The following TRMU variants were observed in gnomAD, a reference collection of about 807,000 sequenced individuals.
TRMU encodes tRNA mitochondrial 2-thiouridylase.
Under a neutral mutation model 46.9 loss-of-function variants are expected in TRMU, and 49 were observed. That is an observed-to-expected ratio of 1.05 (90% CI 0.83 to 1.33). TRMU has a LOEUF of 1.33. Ranked by LOEUF, TRMU falls within the 40% of genes most tolerant of loss-of-function variation. The pLI, the probability that TRMU is intolerant of heterozygous loss-of-function variation, is 0.00. For synonymous variants in TRMU, 241 were observed against 200.9 expected (o/e 1.20, Z -1.69); for missense variants, 572 against 532.4 (o/e 1.07, Z -0.73).
intron 3 of TRMU, among the ~76,000 whole-genome samples, chr22:46,344,628 A>G (rs1306745630): frequency 6.6e-6 from 1 of 152,170 alleles, no homozygotes; most frequent in African/African-American, 2.4e-5. Context: ...AAAGCTTTTT[A>G]GGGAGCCCCT....
rs2078254890 is a variant in TRMU, at chr22:46,346,282, G to A, written c.356-140G>A. The A allele has an allele frequency of 4.0e-6, 4 of 1,001,022 alleles. No individual in the cohort carries two copies. In the Admixed American group the frequency reaches 8.9e-5, roughly 22 times the overall value. 62.0% of individuals were successfully genotyped at this position (1,001,022 alleles called of 1,614,324 possible). A position where few individuals can be genotyped will look rare whatever the true frequency, so the allele number is the denominator to read the frequency against. On this transcript the variant is annotated intron_variant, in intron 3 of 10. Coordinates refer to ENST00000645190, the MANE Select transcript of TRMU (RefSeq NM_018006.5). ...TGCGTCTGTTCCCTGGGATCTCTATGTTTGGGTGCAGGGTGGATTGTGCAG... is the reference window on the plus strand; with the variant it reads ...TGCGTCTGTTCCCTGGGATCTCTATATTTGGGTGCAGGGTGGATTGTGCAG...
In TRMU at chr22:46,347,695, C is replaced by T. The variant is rs1166577193; in HGVS notation, c.478+1151C>T. Among the ~76,000 whole-genome samples the T allele has an allele frequency of 3.3e-5, 5 of 152,218 alleles. No homozygotes were observed. The highest frequency in any genetic ancestry group is 1.2e-4 in the African/African-American group (5 of 41,464). ...CTCTTAGCAGTCCATGAGGTGTATG[C>T]TCTCATCCCGTTTCACAGATGAGGA... On this transcript the variant is annotated intron_variant, in intron 4 of 10. Coordinates refer to ENST00000645190, the MANE Select transcript of TRMU (RefSeq NM_018006.5). This position sits in a 1 kb window ranked among gnomAD's most constrained non-coding sequence, Gnocchi z 5.0.
chr22:46,356,825 G>C lies in TRMU; in HGVS notation c.1102-17G>C. ...GCTCCCTGTGGCACCCCTGATGCCA[G>C]GGTCTCTCCCCTACAGTTTGCTGTG... On this transcript the variant is annotated splice_polypyrimidine_tract_variant and intron_variant, in intron 10 of 10. Transcript: ENST00000645190. The C allele has an allele frequency of 6.2e-7, 1 of 1,612,338 alleles. No homozygotes were observed. The highest frequency in any genetic ancestry group is 1.7e-5 in the Admixed American group (1 of 60,008).
At chr22:46,352,388 C>A in intron 7 of TRMU, 58 bp downstream of exon 7, 1 of 1,581,502 alleles carries the variant, frequency 6.3e-7, no homozygotes, top group Non-Finnish European at 8.7e-7. Context: ...GGCGTTTCAG[C>A]TCTGGGAGAC....
intron 7 of TRMU, 197 bp from the exon 8 acceptor site, chr22:46,353,570 G>A: frequency 1.8e-6 from 1 of 545,438 alleles, no homozygotes; most frequent in South Asian, 1.7e-5. Flanking sequence ...TCCAGCCCAG[G>A]CCTGGACAAT....
In TRMU at chr22:46,355,336, C is replaced by T. The variant is rs534547784; in HGVS notation, c.874-108C>T. On this transcript the variant is annotated intron_variant, in intron 8 of 10. Transcript: ENST00000645190. Reference sequence around the variant, plus strand: ...ACTTCGAGCGGTGCCAGCACCGTTACCTGTGTGTGTGTGTGCTGGTAGGAC... The same window carrying T: ...ACTTCGAGCGGTGCCAGCACCGTTATCTGTGTGTGTGTGTGCTGGTAGGAC... The T allele has an allele frequency of 1.9e-4, 278 of 1,475,858 alleles. No individual in the cohort carries two copies. In the Middle Eastern group the frequency reaches 3.5e-3, roughly 19 times the overall value. 91.4% of individuals were successfully genotyped at this position (1,475,858 alleles called of 1,614,324 possible).
rs954205074 is a variant in TRMU at position 46,351,311 on chromosome 22, G to A, written c.652-810G>A. 1.3e-5 allele frequency among the ~76,000 whole-genome samples: 2 copies of A among 152,192 alleles called. No individual in the cohort carries two copies. The highest frequency in any genetic ancestry group is 4.8e-5 in the African/African-American group (2 of 41,446). ...TTGAGGACAGCCTGGGCAACACAGC[G>A]AAACTCGTCTCAAAAAGAGAGAACC... On this transcript the variant is annotated intron_variant, in intron 5 of 10. Coordinates refer to ENST00000645190, the MANE Select transcript of TRMU (RefSeq NM_018006.5). This position sits in a 1 kb window ranked among gnomAD's most constrained non-coding sequence, Gnocchi z 6.4.
At chr22:46,352,831 T>C (rs2078475013) in intron 7 of TRMU, 1 of 264,362 alleles carries the variant, frequency 3.8e-6, no homozygotes, top group African/African-American at 2.2e-5. Context: ...GTGCCTGGTG[T>C]CAGGGGACAG....
rs1172171015 is a variant in TRMU at position 46,353,756 on chromosome 22, T to C, written c.773-11T>C. On this transcript the variant is annotated splice_polypyrimidine_tract_variant and intron_variant, in intron 7 of 10. Transcript: ENST00000645190. ...GTTGCCCAGCCTCATGGAGAAACTGTCTTTCTGTAGGTTGGTTCCTGTATA... is the reference window on the plus strand; with the variant it reads ...GTTGCCCAGCCTCATGGAGAAACTGCCTTTCTGTAGGTTGGTTCCTGTATA... 2 of 1,612,356 alleles carry C rather than the reference T, an allele frequency of 1.2e-6. No individual in the cohort carries two copies.
At chr22:46,343,493 C>A in intron 3 of TRMU, 125 bp downstream of exon 3, 1 of 740,296 alleles carries the variant, frequency 1.4e-6, no homozygotes, top group Non-Finnish European at 2.3e-6. Context: ...TCAAGAGATT[C>A]TCCCACCCCA....
chr22:46,335,981 C>G (rs952784154), intron 1 of TRMU, 135 bp downstream of exon 1: 3 of 1,462,800 alleles, frequency 2.1e-6, no homozygotes, highest in Non-Finnish European at 2.7e-6. Flanking sequence ...GAGGATACCC[C>G]GTCCTCTGAC....
rs922102599 is a variant in TRMU at position 46,353,524 on chromosome 22, C to T, written c.773-243C>T. On this transcript the variant is annotated intron_variant, in intron 7 of 10. Transcript: ENST00000645190. ...CAGCTGGAACCTGCACCTTCTGGGG[C>T]ACAAGGTGCCTTCTTTGTGGCCACC... 8 of 442,328 alleles carry T rather than the reference C, an allele frequency of 1.8e-5. No homozygotes were observed. In the Admixed American group the frequency reaches 2.4e-4, roughly 14 times the overall value. 27.4% of individuals were successfully genotyped at this position (442,328 alleles called of 1,614,324 possible). A position where few individuals can be genotyped will look rare whatever the true frequency, so the allele number is the denominator to read the frequency against.
Position 46,350,412 on chromosome 22 carries a change from A to C in TRMU, c.600A>C (p.Val200=). Residue 200 remains valine (V), a synonymous_variant, in exon 5 of 11, where the codon GTA becomes GTC. Transcript: ENST00000645190. The surrounding 1 kb of genome is among the most constrained non-coding windows in gnomAD (Gnocchi z 4.6). ...FPLGGLTKEF[V]KKIAAENRLH... Reference sequence around the variant, plus strand: ...TGGGGGGATTAACGAAAGAGTTTGTAAAGAAAATCGCTGCTGAGAATAGAC... The same window carrying C: ...TGGGGGGATTAACGAAAGAGTTTGTCAAGAAAATCGCTGCTGAGAATAGAC... 1 of 1,614,122 alleles carries C rather than the reference A, an allele frequency of 6.2e-7. No homozygotes were observed. The highest frequency in any genetic ancestry group is 8.5e-7 in the Non-Finnish European group (1 of 1,180,042).
Position 46,356,596 on chromosome 22 carries a change from G to T in TRMU, c.1102-246G>T. ...CTGCCAGTCCCTTGGAGTCCCAGGA[G>T]AGGCCCCTGTGACTGTCCCACTCAG... On this transcript the variant is annotated intron_variant, in intron 10 of 10. Coordinates refer to ENST00000645190, the MANE Select transcript of TRMU (RefSeq NM_018006.5). 4 of 561,488 alleles carry T rather than the reference G, an allele frequency of 7.1e-6. No individual in the cohort carries two copies. In the South Asian group the frequency reaches 8.9e-5, roughly 12 times the overall value. The allele number at this position is 561,488 out of a possible 1,614,324, so 34.8% of individuals were successfully genotyped here.
At chr22:46,340,022 G>A (rs1358907135) in intron 2 of TRMU, among the ~76,000 whole-genome samples, 1 of 152,138 alleles carries the variant, frequency 6.6e-6, no homozygotes, top group African/African-American at 2.4e-5. Flanking sequence ...TGCTGTTGCT[G>A]GAGATTTGGA....
rs1024926678 is a variant in TRMU at position 46,339,331 on chromosome 22, G to T, written c.248+1387G>T. Among the ~76,000 whole-genome samples, 2 of 152,124 alleles carry T rather than the reference G, an allele frequency of 1.3e-5. No homozygotes were observed. The highest frequency in any genetic ancestry group is 2.9e-5 in the Non-Finnish European group (2 of 68,028). On this transcript the variant is annotated intron_variant, in intron 2 of 10. Coordinates refer to ENST00000645190, the MANE Select transcript of TRMU (RefSeq NM_018006.5). This position sits in a 1 kb window ranked among gnomAD's most constrained non-coding sequence, Gnocchi z 4.8. The stretch of plus-strand genomic sequence containing the variant: ...CGCCCGGATAATTTTTGTATTTTTA[G>T]TAGAGACAGGGTTTCGCCATGTTGG...
chr22:46,337,343 A>C (rs1440738555), intron 1 of TRMU, among the ~76,000 whole-genome samples: 1 of 152,240 alleles, frequency 6.6e-6, no homozygotes, highest in Non-Finnish European at 1.5e-5. Context: ...TACAGCTCTT[A>C]CAAAATATCG....
At position 46,357,205 on chromosome 22, in the gene TRMU, A is replaced by G; in HGVS notation, c.*199A>G. On this transcript the variant is annotated 3_prime_UTR_variant, in exon 11 of 11. Transcript: ENST00000645190. ...TCCAGGCTGGGGCTCTGGCTGCTGG[A>G]GCATCTGCTGGCTGGTGGGGTGGCC... 1 of 709,932 alleles carries G rather than the reference A, an allele frequency of 1.4e-6. No individual in the cohort carries two copies. The highest frequency in any genetic ancestry group is 2.3e-6 in the Non-Finnish European group (1 of 429,186). The allele number at this position is 709,932 out of a possible 1,614,324, so 44.0% of individuals were successfully genotyped here.
Position 46,349,084 on chromosome 22 carries a change from A to C in TRMU, c.479-1207A>C, listed in dbSNP as rs1487820812. 1.3e-5 allele frequency among the ~76,000 whole-genome samples: 2 copies of C among 151,634 alleles called. No homozygotes were observed. The highest frequency in any genetic ancestry group is 4.9e-5 in the African/African-American group (2 of 41,228). The stretch of plus-strand genomic sequence containing the variant: ...AACCCAGGAGGCGGAGATTGCCGTG[A>C]GCCGAGATGTGCCACTGCACTCCAG... On this transcript the variant is annotated intron_variant, in intron 4 of 10. Coordinates refer to ENST00000645190, the MANE Select transcript of TRMU (RefSeq NM_018006.5). This position sits in a 1 kb window ranked among gnomAD's most constrained non-coding sequence, Gnocchi z 4.6.
Sources: allele counts gnomAD v4.1 joint callset (sites outside exome capture counted in the v4.1 genomes callset), GRCh38; gene constraint gnomAD v4.1.1; non-coding constraint Gnocchi (gnomAD v3.1); transcripts MANE v1.5; gene names NCBI Gene and HGNC (gene_info 2026-07-23, HGNC 2026-07-21).